RPL3L: variants seen among roughly 807,000 people sequenced by gnomAD.
RPL3L encodes the protein ribosomal protein uL3-like.
In RPL3L, 44 loss-of-function variants were observed where a neutral mutation model predicts 44.5. The ratio of observed to expected loss-of-function variants is 0.99; its 90% CI spans 0.78 to 1.27. The LOEUF (loss-of-function observed/expected upper bound fraction) is 1.27. RPL3L is among the 50% of genes most tolerant of loss of function. The pLI is 0.00. For synonymous variants in RPL3L, 292 were observed against 230.7 expected, an observed-to-expected ratio of 1.27 and a Z score of -2.41; for missense variants, 631 against 569.1, an observed-to-expected ratio of 1.11 and a Z score of -1.11.
chr16:1,948,700 G>T (rs1017293989), intron 4 of RPL3L, among the ~76,000 whole-genome samples: 3 of 144,200 alleles, frequency 2.1e-5, no homozygotes, highest in Non-Finnish European at 4.6e-5. Flanking sequence ...ATGCCCAGTT[G>T]TTTTTTTTTT....
At chr16:1,952,188 C>A (rs1192899977) in intron 3 of RPL3L, among the ~76,000 whole-genome samples, 3 of 151,286 alleles carry the variant, frequency 2.0e-5, no homozygotes, top group Non-Finnish European at 4.4e-5. Context: ...AGGCTGGTCT[C>A]GAACTCCTGA....
intron 3 of RPL3L, among the ~76,000 whole-genome samples, chr16:1,951,729 T>C (rs769904903): frequency 1.4e-4 from 8 of 55,508 alleles, no homozygotes; most frequent in East Asian, 1.2e-3. Context: ...AGGTGGACAT[T>C]ATTATTATTA....
intron 7 of RPL3L, among the ~76,000 whole-genome samples, chr16:1,946,210 G>T (rs952101005): frequency 6.6e-6 from 1 of 152,240 alleles, no homozygotes; most frequent in African/African-American, 2.4e-5. Context: ...CTCTACAGCT[G>T]CTAAGTCCTG....
In RPL3L at chr16:1,946,992, G is replaced by T; in HGVS notation, c.795C>A (p.Ser265=). The change falls in exon 6 of 10, where the codon TCC becomes TCA. Residue 265 remains serine, a synonymous_variant. Transcript: ENST00000268661. Reference sequence around the variant, plus strand: ...AGCCCTTCTGCCCGGCCCGAGCAATGGAGCAGCCCACGCGGGCGGGGTGCC... The same window carrying T: ...AGCCCTTCTGCCCGGCCCGAGCAATTGAGCAGCCCACGCGGGCGGGGTGCC... ...GAWHPARVGC[S]IARAGQKGYH... The T allele has an allele frequency of 6.2e-7, 1 of 1,611,224 alleles. No individual in the cohort carries two copies. The highest frequency in any genetic ancestry group is 8.5e-7 in the Non-Finnish European group (1 of 1,179,354).
At chr16:1,946,044 C>T (rs923290969) in intron 7 of RPL3L, 114 bp from the exon 8 acceptor site, 1 of 825,460 alleles carries the variant, frequency 1.2e-6, no homozygotes, top group Admixed American at 2.5e-5. Flanking sequence ...AGCCCCGTGC[C>T]CAGCCCCCAG....
At chr16:1,950,748 G>C (rs951952681) in intron 4 of RPL3L, 96 bp downstream of exon 4, 2 of 1,590,388 alleles carry the variant, frequency 1.3e-6, no homozygotes, top group Non-Finnish European at 1.7e-6. Context: ...CCGAGGCTCG[G>C]GTATTTTTAG....
At chr16:1,951,126 G>A in intron 3 of RPL3L, 147 bp from the exon 4 acceptor site, 2 of 1,042,188 alleles carry the variant, frequency 1.9e-6, no homozygotes, top group African/African-American at 1.6e-5. Context: ...GCTGGTTCCA[G>A]CCACCATCTT....
Position 1,947,293 on chromosome 16 carries a change from C to T in RPL3L, c.589G>A (p.Ala197Thr), listed in dbSNP as rs201311045. The T allele has an allele frequency of 1.5e-4, 238 of 1,613,028 alleles. 2 individuals carry two copies. The highest frequency in any genetic ancestry group is 1.3e-3 in the South Asian group (118 of 91,074). The part of the protein sequence containing the change: ...GGTVAEKVAW[A>T]QARLEKQVPV... Reference sequence around the variant, plus strand: ...ACCTGCTTCTCCAGCCGGGCCTGGGCCCAGGCCACCTTCTCGGCCACCGTG... The same window carrying T: ...ACCTGCTTCTCCAGCCGGGCCTGGGTCCAGGCCACCTTCTCGGCCACCGTG... The change falls in exon 5 of 10, where the codon GCC becomes ACC. Residue 197 changes from alanine to threonine, a missense_variant. Coordinates refer to ENST00000268661, the MANE Select transcript of RPL3L (RefSeq NM_005061.3).
At chr16:1,947,449 C>T in intron 4 of RPL3L, 69 bp from the exon 5 acceptor site, 3 of 1,438,840 alleles carry the variant, frequency 2.1e-6, no homozygotes, top group Non-Finnish European at 1.8e-6. Flanking sequence ...CATGGCATGG[C>T]CAGCAGTGAC....
chr16:1,948,037 A>T (rs1215949070), intron 4 of RPL3L, among the ~76,000 whole-genome samples: 1 of 145,374 alleles, frequency 6.9e-6, no homozygotes, highest in Admixed American at 7.3e-5. Flanking sequence ...TCCCGGGTTC[A>T]CGCCATTCCC....
rs2083107896 is a variant in RPL3L at position 1,944,789 on chromosome 16, T to C, written c.*48A>G. 6.2e-7 allele frequency: 1 copy of C among 1,612,726 alleles called. No homozygotes were observed. Among genetic ancestry groups the C allele is most frequent in the Non-Finnish European group, 8.5e-7 (1 of 1,178,946 alleles). On this transcript the variant is annotated 3_prime_UTR_variant, in exon 10 of 10. Transcript: ENST00000268661. ...GTCGCCTCCGGCCTTTGTTAGACAT[T>C]GGGGCAGACAGTGCGGTGCGCTTCA... is the stretch of plus-strand genomic sequence containing the variant.
intron 4 of RPL3L, 44 bp downstream of exon 4, chr16:1,950,800 C>T (rs768288956): frequency 7.4e-6 from 12 of 1,612,210 alleles, no homozygotes; most frequent in East Asian, 6.7e-5. Context: ...GGTGAGGGAG[C>T]GTGGTCCTAG....
rs767741903 is a variant in RPL3L at position 1,950,882 on chromosome 16, T to A, written c.463A>T (p.Lys155Ter). Residue 155 changes from lysine (K) to a stop codon, truncating the protein, a stop_gained, in exon 4 of 10, where the codon AAG becomes TAG. Coordinates refer to ENST00000268661, the MANE Select transcript of RPL3L (RefSeq NM_005061.3). LOFTEE classifies it high-confidence loss of function. ...ATGACCCGAATGACCTTGCAGTACT[T>A]CTTCATGGCGGCGAAGTCCTTCTGT... ...QLQKDFAAMK[K>*]YCKVIRVIVH... 1.2e-6 allele frequency: 2 copies of A among 1,614,072 alleles called. No homozygotes were observed. Among genetic ancestry groups the A allele is most frequent in the South Asian group, 2.2e-5 (2 of 91,092 alleles).
Position 1,944,583 on chromosome 16 carries a change from CAA to C in RPL3L, c.*252_*253del, listed in dbSNP as rs1435793273. Reference sequence around the variant, plus strand: ...AAAAAACCTCTGCTCCGCAAATGCTCAAAGAGATCGATTTGAGTAATAATAAA... The same window carrying C: ...AAAAAACCTCTGCTCCGCAAATGCTCAGAGATCGATTTGAGTAATAATAAA... On this transcript the variant is annotated 3_prime_UTR_variant, in exon 10 of 10. Transcript: ENST00000268661. 1 of 387,074 alleles carries C rather than the reference CAA, an allele frequency of 2.6e-6. No homozygotes were observed. The highest frequency in any genetic ancestry group is 3.9e-5 in the South Asian group (1 of 25,760). 24.0% of individuals were successfully genotyped at this position (387,074 alleles called of 1,614,324 possible).
At chr16:1,953,174 G>A in intron 2 of RPL3L, 132 bp from the exon 3 acceptor site, 1 of 895,014 alleles carries the variant, frequency 1.1e-6, no homozygotes. Flanking sequence ...CCCAGAGGGT[G>A]GGGCTGAGCC....
intron 2 of RPL3L, 119 bp downstream of exon 2, chr16:1,953,837 G>A (rs922752654): frequency 1.4e-4 from 154 of 1,074,750 alleles, no homozygotes; most frequent in Non-Finnish European, 1.8e-4. Flanking sequence ...ATTCCCGGGG[G>A]CGAGGCCTGG....
In RPL3L at chr16:1,954,638, C is replaced by G; in HGVS notation, c.-7G>C. The G allele has an allele frequency of 6.5e-7, 1 of 1,549,846 alleles. No homozygotes were observed. Among genetic ancestry groups the G allele is most frequent in the South Asian group, 1.2e-5 (1 of 82,766 alleles). On this transcript the variant is annotated 5_prime_UTR_variant, in exon 1 of 10. Transcript: ENST00000268661. ...CCCTGGTCCCACCAACCATGGTGGC[C>G]GATCCCTGAAGGTCAGGAAGGGGCC...
At chr16:1,945,370 TAA>T in intron 9 of RPL3L, 127 bp downstream of exon 9, 3 of 734,962 alleles carry the variant, frequency 4.1e-6, no homozygotes, top group Non-Finnish European at 3.7e-6. Context: ...ATAAAATAAA[TAA>T]AAAAAAAAGA....
intron 3 of RPL3L, 80 bp from the exon 4 acceptor site, chr16:1,951,059 C>T (rs2150864683): frequency 6.5e-7 from 1 of 1,548,800 alleles, no homozygotes; most frequent in East Asian, 2.3e-5. Flanking sequence ...ACCTCACCCC[C>T]AGCCCACCAA....
Sources: gnomAD v4.1 joint callset for allele counts (sites outside exome capture counted in the v4.1 genomes callset) on GRCh38, gnomAD v4.1.1 for gene constraint, MANE v1.5 for transcripts, NCBI Gene and HGNC (gene_info 2026-07-23, HGNC 2026-07-21) for gene names.